The following TACC1 variants were observed in gnomAD, a reference collection of about 807,000 sequenced individuals.
TACC1 encodes transforming acidic coiled-coil containing protein 1.
TACC1 carries 48 observed loss-of-function variants against 84.4 expected under a neutral mutation model. The ratio of observed to expected loss-of-function variants is 0.57; its 90% confidence interval spans 0.45 to 0.72. The LOEUF (loss-of-function observed/expected upper bound fraction) is 0.72, where lower values mean the gene tolerates loss of function less well. TACC1 is among the 30% of genes least tolerant of loss of function. The probability of loss-of-function intolerance (pLI) is 0.00; values close to 1 mark genes in which losing one functional copy is unlikely to be tolerated. For missense variants in TACC1, 920 were observed against 973.0 expected (o/e 0.95, Z 0.72); for synonymous variants, 372 against 376.3 (o/e 0.99, Z 0.13).
chr8:38,769,932 GTGAC>G (rs963787453), intron 3 of TACC1, among the ~76,000 whole-genome samples: 2 of 151,180 alleles, frequency 1.3e-5, no homozygotes, highest in South Asian at 2.1e-4. Flanking sequence ...TGTGGTGTGT[GTGAC>G]TGTGTGTATG....
At chr8:38,775,336 G>A (rs547962101) in intron 3 of TACC1, among the ~76,000 whole-genome samples, 4 of 152,284 alleles carry the variant, frequency 2.6e-5, no homozygotes, top group African/African-American at 9.6e-5. Flanking sequence ...AAATTTCTGT[G>A]GTTCTATGAG....
chr8:38,782,974 T>G (rs371605527), upstream of TACC1, among the ~76,000 whole-genome samples: 24 of 152,222 alleles, frequency 1.6e-4, no homozygotes, highest in African/African-American at 5.5e-4. Context: ...GTGAACTTTC[T>G]TATAAAGTCA....
intron 3 of TACC1, among the ~76,000 whole-genome samples, chr8:38,769,446 A>G (rs1362149032): frequency 1.4e-4 from 13 of 95,594 alleles, no homozygotes; most frequent in East Asian, 4.0e-4. Flanking sequence ...TGTGGTGTGT[A>G]TGTGACTGTG....
intron 2 of TACC1, among the ~76,000 whole-genome samples, chr8:38,791,980 T>C (rs996620335): frequency 6.6e-6 from 1 of 152,228 alleles, no homozygotes; most frequent in Non-Finnish European, 1.5e-5. Flanking sequence ...ATCTAAACTC[T>C]ATAATGACTC....
chr8:38,797,180 A>G (rs897703703), intron 2 of TACC1, among the ~76,000 whole-genome samples: 2 of 152,242 alleles, frequency 1.3e-5, no homozygotes, highest in Admixed American at 1.3e-4. Flanking sequence ...AGAGCAAGCA[A>G]GATAGAAACT....
At chr8:38,749,095 G>A (rs776294352) in intron 3 of TACC1, among the ~76,000 whole-genome samples, 6 of 151,782 alleles carry the variant, frequency 4.0e-5, no homozygotes, top group Non-Finnish European at 8.8e-5. Flanking sequence ...TGAGAGAAGG[G>A]ACATTATTAC....
At chr8:38,733,786 C>T (rs1389747576) in intron 1 of TACC1, among the ~76,000 whole-genome samples, 2 of 152,030 alleles carry the variant, frequency 1.3e-5, no homozygotes, top group African/African-American at 2.4e-5. Context: ...AGGAAAGCCT[C>T]GAGGCTCTTA....
chr8:38,793,706 C>A (rs893816117), intron 2 of TACC1, among the ~76,000 whole-genome samples: 2 of 152,074 alleles, frequency 1.3e-5, no homozygotes, highest in Admixed American at 1.3e-4. Flanking sequence ...CTCAGCCTCC[C>A]AAAATGCTGG....
intron 3 of TACC1, among the ~76,000 whole-genome samples, chr8:38,746,209 T>A (rs2151711733): frequency 6.6e-6 from 1 of 152,282 alleles, no homozygotes; most frequent in Non-Finnish European, 1.5e-5. Context: ...AAAAAGCTTG[T>A]TTTTGATTAA....
At chr8:38,808,556 G>A (rs941203614) in intron 2 of TACC1, among the ~76,000 whole-genome samples, 13 of 152,224 alleles carry the variant, frequency 8.5e-5, no homozygotes, top group Non-Finnish European at 1.8e-4. Flanking sequence ...GGAACTACAA[G>A]CATGTGCCAC....
intron 10 of TACC1, among the ~76,000 whole-genome samples, chr8:38,842,786 C>G (rs1364797584): frequency 6.6e-6 from 1 of 152,188 alleles, no homozygotes; most frequent in African/African-American, 2.4e-5. Context: ...GGTAATTCAC[C>G]TTTTCAGTTT....
In TACC1 at chr8:38,807,418, C is replaced by A. The variant is rs142083943; in HGVS notation, c.278-12104C>A. Among the ~76,000 whole-genome samples the A allele has an allele frequency of 1.5e-4, 23 of 152,280 alleles. No homozygotes were observed. In the East Asian group the frequency reaches 4.1e-3, roughly 27 times the overall value. On this transcript the variant is annotated intron_variant, in intron 2 of 12. Transcript: ENST00000317827. ...TCTGGCAGCTTTCTCAATTATATGT[C>A]AGCTGTCTAGAAACCCGTAAAAAGG...
At chr8:38,784,568 A>C (rs77072913), upstream of TACC1, among the ~76,000 whole-genome samples, 14 of 136,294 alleles carry the variant, frequency 1.0e-4, no homozygotes, top group East Asian at 2.6e-3. Context: ...ACTCCATCTC[A>C]AAAAAAAAAA....
intron 3 of TACC1, among the ~76,000 whole-genome samples, chr8:38,745,909 G>A (rs1209611211): frequency 5.9e-5 from 9 of 152,098 alleles, no homozygotes; most frequent in Admixed American, 3.3e-4. Flanking sequence ...GTAGTGGTGC[G>A]ATCCCAGCTC....
At position 38,763,735 on chromosome 8, in the gene TACC1, A is replaced by G. The variant is rs145855678; in HGVS notation, c.26+18242A>G. Among the ~76,000 whole-genome samples, 215 of 152,230 alleles carry G rather than the reference A, an allele frequency of 1.4e-3. 2 individuals carry two copies. Among genetic ancestry groups the G allele is most frequent in the African/African-American group, 5.0e-3 (208 of 41,530 alleles). On this transcript the variant is annotated intron_variant, in intron 3 of 14. Transcript: ENST00000518415. ...TACTTAACATTATAAACATTTCTCT[A>G]TATTACTTTACTGAATTCAAAAATA...
chr8:38,769,026 G>A (rs187809919), intron 3 of TACC1, among the ~76,000 whole-genome samples: 167 of 150,592 alleles, frequency 1.1e-3, no homozygotes, highest in African/African-American at 3.8e-3. Context: ...ATATGAGGCT[G>A]TGGGGGTGGA....
rs1832854085 is a variant in TACC1, at chr8:38,849,806, A to T, written c.*1783A>T. ...TCATTTGAGAAGTGGCTTGACAATC[A>T]TTTGAGCTTTGAAAGCAGTCACTGT... On this transcript the variant is annotated 3_prime_UTR_variant, in exon 13 of 13. Coordinates refer to ENST00000317827, the MANE Select transcript of TACC1 (RefSeq NM_006283.3). 1.3e-5 allele frequency: 2 copies of T among 152,770 alleles called. No homozygotes were observed. The highest frequency in any genetic ancestry group is 2.1e-4 in the South Asian group (1 of 4,824). The allele number at this position is 152,770 out of a possible 1,614,324, so 9.5% of individuals were successfully genotyped here.
intron 2 of TACC1, among the ~76,000 whole-genome samples, chr8:38,813,436 C>T (rs1437376968): frequency 1.3e-5 from 2 of 152,100 alleles, no homozygotes; most frequent in East Asian, 3.9e-4. Context: ...TAAGATAGTC[C>T]CGGTGAGCTC....
intron 3 of TACC1, among the ~76,000 whole-genome samples, chr8:38,780,568 G>T (rs190466770): frequency 6.6e-6 from 1 of 151,220 alleles, no homozygotes; most frequent in African/African-American, 2.4e-5. Flanking sequence ...TTGCATAAAT[G>T]TGTCTCAATG....
Sources: allele counts gnomAD v4.1 joint callset (sites outside exome capture counted in the v4.1 genomes callset), GRCh38; gene constraint gnomAD v4.1.1; transcripts MANE v1.5; gene names NCBI Gene and HGNC (gene_info 2026-07-23, HGNC 2026-07-21).